SDHAF3: variants seen among roughly 807,000 people sequenced by gnomAD.
SDHAF3 encodes the protein succinate dehydrogenase complex assembly factor 3, also known as succinate dehydrogenase assembly factor 3, mitochondrial.
SDHAF3 carries 18 observed loss-of-function variants against 11.5 expected under a neutral mutation model. The observed-to-expected ratio is 1.56, with a 90% confidence interval of 1.08 to 2.32. SDHAF3 has a LOEUF of 2.32. SDHAF3 is among the 30% of genes most tolerant of loss of function. The pLI is 0.00. For synonymous variants in SDHAF3, 72 were observed against 59.3 expected, an observed-to-expected ratio of 1.21 and a Z score of -0.99; for missense variants, 200 against 154.4, an observed-to-expected ratio of 1.30 and a Z score of -1.57.
intron 1 of SDHAF3, among the ~76,000 whole-genome samples, chr7:97,143,699 GTA>G (rs1491414366): frequency 2.1e-5 from 3 of 145,014 alleles, no homozygotes; most frequent in East Asian, 2.2e-4. Context: ...GTGTGTGTGT[GTA>G]TACCAGTTTC....
At chr7:97,158,323 C>T (rs1789334947) in intron 1 of SDHAF3, among the ~76,000 whole-genome samples, 1 of 151,836 alleles carries the variant, frequency 6.6e-6, no homozygotes, top group Non-Finnish European at 1.5e-5. Context: ...TCTTAGTTTC[C>T]CCGTGTTTTT....
intron 1 of SDHAF3, among the ~76,000 whole-genome samples, chr7:97,163,643 C>T (rs528928026): frequency 6.6e-6 from 1 of 152,114 alleles, no homozygotes. Flanking sequence ...GCCATTTAGC[C>T]CATTAACATT....
At chr7:97,149,742 A>AG (rs1187919287) in intron 1 of SDHAF3, among the ~76,000 whole-genome samples, 2 of 152,270 alleles carry the variant, frequency 1.3e-5, no homozygotes, top group South Asian at 2.1e-4. Context: ...CTGAATGATG[A>AG]GGGGGGTAGT....
intron 1 of SDHAF3, among the ~76,000 whole-genome samples, chr7:97,118,139 C>CA (rs1791437201): frequency 6.6e-6 from 1 of 152,124 alleles, no homozygotes; most frequent in Admixed American, 6.5e-5. Flanking sequence ...GCCAGGTGCT[C>CA]AAAGGGTGAG....
At chr7:97,138,708 A>G (rs373645892) in intron 1 of SDHAF3, among the ~76,000 whole-genome samples, 1 of 152,324 alleles carries the variant, frequency 6.6e-6, no homozygotes, top group East Asian at 1.9e-4. Context: ...ATTAAATAAG[A>G]TAGTATATGC....
chr7:97,139,330 G>C (rs1788991306), intron 1 of SDHAF3, among the ~76,000 whole-genome samples: 1 of 152,232 alleles, frequency 6.6e-6, no homozygotes, highest in African/African-American at 2.4e-5. Context: ...GAGATGGGCA[G>C]TTCCAAAATA....
intron 1 of SDHAF3, among the ~76,000 whole-genome samples, chr7:97,156,369 AT>A (rs1163178099): frequency 1.3e-5 from 2 of 152,210 alleles, no homozygotes. Flanking sequence ...TCAGGTGTAC[AT>A]TATTGCCATT....
At chr7:97,154,918 C>T (rs1215802615) in intron 1 of SDHAF3, among the ~76,000 whole-genome samples, 4 of 152,130 alleles carry the variant, frequency 2.6e-5, no homozygotes, top group Non-Finnish European at 5.9e-5. Context: ...TTTAATTACT[C>T]GGGTACCTTA....
At chr7:97,169,421 CTTGAT>C (rs1389545490) in intron 1 of SDHAF3, among the ~76,000 whole-genome samples, 6 of 152,062 alleles carry the variant, frequency 3.9e-5, no homozygotes, top group Non-Finnish European at 8.8e-5. Context: ...TTTTAAAATA[CTTGAT>C]TTGATGTAAC....
chr7:97,136,052 G>GT (rs1252547264), intron 1 of SDHAF3, among the ~76,000 whole-genome samples: 1 of 151,912 alleles, frequency 6.6e-6, no homozygotes, highest in African/African-American at 2.4e-5. Flanking sequence ...AGATATAAAT[G>GT]TATTTGTCAG....
intron 1 of SDHAF3, among the ~76,000 whole-genome samples, chr7:97,170,098 GT>G (rs199512966): frequency 7.2e-4 from 104 of 144,096 alleles, no homozygotes; most frequent in Admixed American, 1.0e-3. Context: ...TGGCTAGTTC[GT>G]TTTTTTTTTT....
chr7:97,151,107 C>G (rs1789212257), intron 1 of SDHAF3, among the ~76,000 whole-genome samples: 1 of 152,106 alleles, frequency 6.6e-6, no homozygotes, highest in African/African-American at 2.4e-5. Flanking sequence ...TGGAGTAGTA[C>G]ATTTGTTACA....
At chr7:97,180,982 A>G in intron 1 of SDHAF3, 30 bp from the exon 2 acceptor site, 1 of 1,561,616 alleles carries the variant, frequency 6.4e-7, no homozygotes, top group Non-Finnish European at 8.7e-7. Context: ...TAAACTTTAC[A>G]TCTATAACCT....
intron 1 of SDHAF3, among the ~76,000 whole-genome samples, chr7:97,154,969 C>T (rs1357662177): frequency 1.3e-5 from 2 of 152,164 alleles, no homozygotes; most frequent in Non-Finnish European, 2.9e-5. Flanking sequence ...CTAGTGTTTT[C>T]TTTCTATTCC....
rs774487578 is a variant in SDHAF3, at chr7:97,133,544, G to T, written c.174+15647G>T. On this transcript the variant is annotated intron_variant, in intron 1 of 1. Coordinates refer to ENST00000432641, the MANE Select transcript of SDHAF3 (RefSeq NM_020186.3). Reference sequence around the variant, plus strand: ...TCCTGAACAGTACTGAATGCATATTGTAAGTTTGCCCTCAATCCTTTATTT... The same window carrying T: ...TCCTGAACAGTACTGAATGCATATTTTAAGTTTGCCCTCAATCCTTTATTT... 5.3e-5 allele frequency among the ~76,000 whole-genome samples: 8 copies of T among 152,120 alleles called. No homozygotes were observed. The South Asian group carries it at 1.7e-3, about 32-fold the overall frequency.
At position 97,162,689 on chromosome 7, in the gene SDHAF3, GT is replaced by G. The variant is rs1261146769; in HGVS notation, c.175-18321del. Among the ~76,000 whole-genome samples the G allele has an allele frequency of 7.2e-5, 11 of 152,290 alleles. No homozygotes were observed. In the East Asian group the frequency reaches 2.1e-3, roughly 29 times the overall value. ...GAGCAAGTTGTTCAGTTTCCATGTAGTTGTGCGATTTTGGGTGAGTTTCTTA... is the reference window on the plus strand; with the variant it reads ...GAGCAAGTTGTTCAGTTTCCATGTAGTGTGCGATTTTGGGTGAGTTTCTTA... On this transcript the variant is annotated intron_variant, in intron 1 of 1. Coordinates refer to ENST00000432641, the MANE Select transcript of SDHAF3 (RefSeq NM_020186.3).
At chr7:97,173,777 C>T (rs1789640583) in intron 1 of SDHAF3, among the ~76,000 whole-genome samples, 1 of 152,112 alleles carries the variant, frequency 6.6e-6, no homozygotes, top group South Asian at 2.1e-4. Flanking sequence ...TGATCTCAAT[C>T]TCCTGACCTC....
At chr7:97,131,602 C>A (rs1250729960) in intron 1 of SDHAF3, among the ~76,000 whole-genome samples, 1 of 152,056 alleles carries the variant, frequency 6.6e-6, no homozygotes, top group East Asian at 1.9e-4. Context: ...TCCTTTTTAC[C>A]TCTTAAGATG....
chr7:97,151,733 T>C (rs1189184435), intron 1 of SDHAF3, among the ~76,000 whole-genome samples: 3 of 152,060 alleles, frequency 2.0e-5, no homozygotes, highest in Non-Finnish European at 4.4e-5. Context: ...TCTTCTGACC[T>C]CGTGATCTGC....
Sources: allele counts gnomAD v4.1 joint callset (sites outside exome capture counted in the v4.1 genomes callset), GRCh38; gene constraint gnomAD v4.1.1; transcripts MANE v1.5; gene names NCBI Gene and HGNC (gene_info 2026-07-23, HGNC 2026-07-21).